MRPL42: variants seen among roughly 807,000 people sequenced by gnomAD.
MRPL42 encodes the protein mitochondrial ribosomal protein L42.
Under a neutral mutation model 17.9 loss-of-function variants are expected in MRPL42, and 17 were observed. The ratio of observed to expected loss-of-function variants is 0.95; its 90% confidence interval spans 0.65 to 1.42. MRPL42 has a LOEUF of 1.42. Among genes scored for constraint, MRPL42 ranks in the 40% most tolerant of loss-of-function variants. The probability of loss-of-function intolerance (pLI) is 0.00; values close to 1 mark genes in which losing one functional copy is unlikely to be tolerated. For missense variants in MRPL42, 177 were observed against 175.2 expected (o/e 1.01, Z -0.06); for synonymous variants, 59 against 54.4 (o/e 1.08, Z -0.37).
rs1435979025 is a variant in MRPL42, at chr12:93,511,839, T to C, written c.*10618T>C. On this transcript the variant is annotated 3_prime_UTR_variant, in exon 6 of 6. Coordinates refer to ENST00000549982, the MANE Select transcript of MRPL42 (RefSeq NM_014050.4). ...GGATAGCAGCAGTGGTAAGAGAACA[T>C]TCCGGAATAATTACCTAAATTAAGG... The C allele has an allele frequency of 6.6e-6, 1 of 152,212 alleles. No individual in the cohort carries two copies. The highest frequency in any genetic ancestry group is 2.4e-5 in the African/African-American group (1 of 41,454). The allele number at this position is 152,212 out of a possible 1,614,324, so 9.4% of individuals were successfully genotyped here.
At chr12:93,483,739 C>A (rs992854075) in intron 4 of MRPL42, among the ~76,000 whole-genome samples, 11 of 151,984 alleles carry the variant, frequency 7.2e-5, no homozygotes, top group African/African-American at 2.7e-4. Flanking sequence ...AAATATTTTT[C>A]TTTCTTTAAT....
intron 5 of MRPL42, 85 bp downstream of exon 5, chr12:93,487,745 T>G: frequency 8.8e-6 from 11 of 1,256,976 alleles, no homozygotes; most frequent in Non-Finnish European, 1.2e-5. Context: ...ACTTCTGAAG[T>G]GGTGTTTTGC....
intron 2 of MRPL42, chr12:93,470,387 T>C: frequency 1.9e-6 from 2 of 1,076,754 alleles, no homozygotes; most frequent in South Asian, 4.5e-5. Flanking sequence ...ATAGGAAGCT[T>C]TCCATTTCTA....
In MRPL42 at chr12:93,483,517, C is replaced by T. The variant is rs185213219; in HGVS notation, c.220-3980C>T. On this transcript the variant is annotated intron_variant, in intron 4 of 5. Coordinates refer to ENST00000549982, the MANE Select transcript of MRPL42 (RefSeq NM_014050.4). ...AATGGTCAATATTTATGTATCTAAA[C>T]GTATTTAAACATAGAAAAGGCACAA... Among the ~76,000 whole-genome samples, 319 of 152,070 alleles carry T rather than the reference C, an allele frequency of 2.1e-3. 1 individual carries two copies. The highest frequency in any genetic ancestry group is 3.7e-3 in the Non-Finnish European group (249 of 67,990).
In MRPL42 at chr12:93,512,355, G is replaced by A. The variant is rs1827269674; in HGVS notation, c.*11134G>A. The A allele has an allele frequency of 6.6e-6, 1 of 152,302 alleles. No individual in the cohort carries two copies. Among genetic ancestry groups the A allele is most frequent in the African/African-American group, 2.4e-5 (1 of 41,454 alleles). The allele number at this position is 152,302 out of a possible 1,614,324, so 9.4% of individuals were successfully genotyped here. ...TATTCCTTGCTACTCGGGAGGCTAA[G>A]GCAGGAGAATCGCTTGAACCCAGGA... is the stretch of plus-strand genomic sequence containing the variant. On this transcript the variant is annotated 3_prime_UTR_variant, in exon 6 of 6. Coordinates refer to ENST00000549982, the MANE Select transcript of MRPL42 (RefSeq NM_014050.4).
rs1953709409 is a variant in MRPL42, at chr12:93,509,754, G to A, written c.*8533G>A. 6.7e-6 allele frequency: 1 copy of A among 150,010 alleles called. No homozygotes were observed. Among genetic ancestry groups the A allele is most frequent in the Non-Finnish European group, 1.5e-5 (1 of 67,826 alleles). The allele number at this position is 150,010 out of a possible 1,614,324, so 9.3% of individuals were successfully genotyped here. On this transcript the variant is annotated 3_prime_UTR_variant, in exon 6 of 6. Transcript: ENST00000549982. ...ACTGCACTGCAGCCTGGGCAACATA[G>A]TGAGATCCTCATCTCCTGAAAAAAA...
chr12:93,492,199 C>T (rs1164911771), intron 5 of MRPL42, among the ~76,000 whole-genome samples: 1 of 152,186 alleles, frequency 6.6e-6, no homozygotes, highest in Admixed American at 6.5e-5. Flanking sequence ...CTCCAAATTG[C>T]TTTCCACAGT....
At chr12:93,484,974 A>ATATATATG (rs1880643609) in intron 4 of MRPL42, among the ~76,000 whole-genome samples, 1 of 73,752 alleles carries the variant, frequency 1.4e-5, no homozygotes, top group Non-Finnish European at 2.5e-5. Flanking sequence ...ACACACACAC[A>ATATATATG]CACACATATA....
chr12:93,501,100 A>G (rs1953587038), intron 5 of MRPL42, 76 bp from the exon 6 acceptor site: 1 of 1,200,238 alleles, frequency 8.3e-7, no homozygotes, highest in Admixed American at 2.7e-5. Context: ...TAGCAAAATA[A>G]TCATAGAAGT....
Position 93,506,303 on chromosome 12 carries a change from T to C in MRPL42, c.*5082T>C, listed in dbSNP as rs1229690146. 7.0e-6 allele frequency: 1 copy of C among 143,006 alleles called. No individual in the cohort carries two copies. Among genetic ancestry groups the C allele is most frequent in the African/African-American group, 2.7e-5 (1 of 37,330 alleles). 8.9% of individuals were successfully genotyped at this position (143,006 alleles called of 1,614,324 possible). On this transcript the variant is annotated 3_prime_UTR_variant, in exon 6 of 6. Transcript: ENST00000549982. ...TTTTTGGGACAGAGTCTTGCTCTTG[T>C]TGCCTTGGCTGGAGTGTAGTGGCAC... is the stretch of plus-strand genomic sequence containing the variant.
rs1309142571 is a variant in MRPL42 at position 93,506,742 on chromosome 12, TC to T, written c.*5522del. 6.6e-6 allele frequency: 1 copy of T among 152,194 alleles called. No individual in the cohort carries two copies. The highest frequency in any genetic ancestry group is 2.4e-5 in the African/African-American group (1 of 41,444). 9.4% of individuals were successfully genotyped at this position (152,194 alleles called of 1,614,324 possible). On this transcript the variant is annotated 3_prime_UTR_variant, in exon 6 of 6. Transcript: ENST00000549982. ...CCTCTAGTCAAAATTAGTCTCTTCT[TC>T]ACTCATAATGCAAAGTACATTGGAT...
intron 5 of MRPL42, among the ~76,000 whole-genome samples, chr12:93,497,274 CAG>C (rs1953523736): frequency 6.6e-6 from 1 of 152,064 alleles, no homozygotes; most frequent in African/African-American, 2.4e-5. Context: ...AGAGACATAA[CAG>C]AAAAACAAAA....
chr12:93,476,888 T>C, intron 2 of MRPL42, 66 bp from the exon 3 acceptor site: 1 of 1,446,626 alleles, frequency 6.9e-7, no homozygotes, highest in Non-Finnish European at 9.7e-7. Context: ...TAAAACTAGC[T>C]TTAAATTTAT....
intron 5 of MRPL42, among the ~76,000 whole-genome samples, chr12:93,494,320 C>G (rs192241475): frequency 1.4e-3 from 208 of 152,254 alleles, no homozygotes; most frequent in African/African-American, 4.7e-3. Context: ...GTTATTTCAA[C>G]AAAACAGGCA....
intron 2 of MRPL42, among the ~76,000 whole-genome samples, chr12:93,474,315 T>G (rs893383738): frequency 6.6e-6 from 1 of 152,102 alleles, no homozygotes; most frequent in Non-Finnish European, 1.5e-5. Context: ...TTAATAGAGA[T>G]GGGGTCTCAC....
intron 4 of MRPL42, among the ~76,000 whole-genome samples, chr12:93,483,300 G>C (rs1880552596): frequency 6.6e-6 from 1 of 152,148 alleles, no homozygotes; most frequent in African/African-American, 2.4e-5. Flanking sequence ...ATTGCTTACT[G>C]ATGGGGATAT....
rs1012208727 is a variant in MRPL42 at position 93,507,741 on chromosome 12, G to A, written c.*6520G>A. The A allele has an allele frequency of 6.6e-6, 1 of 152,248 alleles. No homozygotes were observed. The allele number at this position is 152,248 out of a possible 1,614,324, so 9.4% of individuals were successfully genotyped here. On this transcript the variant is annotated 3_prime_UTR_variant, in exon 6 of 6. Transcript: ENST00000549982. ...TCTGGTATTGAGTGACTGTCACCTGGGGCATTAGGGGGACTGTGTCTCTCA... is the reference window on the plus strand; with the variant it reads ...TCTGGTATTGAGTGACTGTCACCTGAGGCATTAGGGGGACTGTGTCTCTCA...
chr12:93,494,176 A>G (rs1336627592), intron 5 of MRPL42, among the ~76,000 whole-genome samples: 1 of 151,918 alleles, frequency 6.6e-6, no homozygotes, highest in Non-Finnish European at 1.5e-5. Flanking sequence ...TGAGTGAGAT[A>G]GGAAGCTGTT....
In MRPL42 at chr12:93,507,929, TAGTG is replaced by T. The variant is rs1332884860; in HGVS notation, c.*6711_*6714del. The T allele has an allele frequency of 2.6e-5, 4 of 152,432 alleles. No homozygotes were observed. Among genetic ancestry groups the T allele is most frequent in the Middle Eastern group, 3.1e-3 (1 of 318 alleles). The allele number at this position is 152,432 out of a possible 1,614,324, so 9.4% of individuals were successfully genotyped here. A position where few individuals can be genotyped will look rare whatever the true frequency, so the allele number is the denominator to read the frequency against. ...GAGTTCAAGACCAGCCTGGGCAACA[TAGTG>T]AGAGCCCATCTGTAAAAAAAAAAAT... is the stretch of plus-strand genomic sequence containing the variant. On this transcript the variant is annotated 3_prime_UTR_variant, in exon 6 of 6. Coordinates refer to ENST00000549982, the MANE Select transcript of MRPL42 (RefSeq NM_014050.4).
Sources: gnomAD v4.1 joint callset for allele counts (sites outside exome capture counted in the v4.1 genomes callset) on GRCh38, gnomAD v4.1.1 for gene constraint, MANE v1.5 for transcripts, NCBI Gene and HGNC (gene_info 2026-07-23, HGNC 2026-07-21) for gene names.